Variants in PILRA observed in about 807,000 individuals in gnomAD.
PILRA encodes paired immunoglobulin-like type 2 receptor alpha.
Under a neutral mutation model 33.1 loss-of-function variants are expected in PILRA, and 37 were observed. The observed-to-expected ratio is 1.12, with a 90% confidence interval of 0.86 to 1.47. The LOEUF is 1.47. PILRA is among the 40% of genes most tolerant of loss of function. The pLI is 0.00. For synonymous variants in PILRA, 146 were observed against 149.9 expected (o/e 0.97, Z 0.19); for missense variants, 312 against 376.2 (o/e 0.83, Z 1.41).
At chr7:100,394,593 C>CAAAAAA (rs60131231) in intron 3 of PILRA, among the ~76,000 whole-genome samples, 2 of 47,316 alleles carry the variant, frequency 4.2e-5, no homozygotes, top group Admixed American at 5.5e-4. Context: ...GATTCTATCT[C>CAAAAAA]AAAAAAAAAA....
chr7:100,371,501 G>A (rs548422507), upstream of PILRA, among the ~76,000 whole-genome samples: 3 of 152,250 alleles, frequency 2.0e-5, no homozygotes, highest in Admixed American at 6.5e-5. Flanking sequence ...GGGCAGGGAC[G>A]GATGTGGCCA....
chr7:100,399,950 C>G lies in PILRA; in HGVS notation c.*43C>G. 6.5e-7 allele frequency: 1 copy of G among 1,538,122 alleles called. No individual in the cohort carries two copies. The highest frequency in any genetic ancestry group is 8.8e-7 in the Non-Finnish European group (1 of 1,140,080). The stretch of plus-strand genomic sequence containing the variant: ...CAAGACTGAATGGTGAGGCCAGGTA[C>G]AGTGGCGCACACCTGTAATCCCAGC... On this transcript the variant is annotated 3_prime_UTR_variant, in exon 7 of 7. Coordinates refer to ENST00000198536, the MANE Select transcript of PILRA (RefSeq NM_013439.3).
intron 3 of PILRA, among the ~76,000 whole-genome samples, chr7:100,395,334 G>A (rs1379817143): frequency 1.3e-5 from 2 of 152,178 alleles, no homozygotes; most frequent in Non-Finnish European, 2.9e-5. Context: ...GATTTCAGGA[G>A]TGGGTTCACT....
At chr7:100,383,875 G>C (rs1220710330) in intron 2 of PILRA, among the ~76,000 whole-genome samples, 1 of 152,166 alleles carries the variant, frequency 6.6e-6, no homozygotes, top group Non-Finnish European at 1.5e-5. Flanking sequence ...GACTTCAGGT[G>C]ATCCGCCTGC....
At chr7:100,396,244 A>G (rs1372240375) in intron 3 of PILRA, among the ~76,000 whole-genome samples, 1 of 152,266 alleles carries the variant, frequency 6.6e-6, no homozygotes, top group Non-Finnish European at 1.5e-5. Flanking sequence ...ACCCATGTTG[A>G]TAGCAACACT....
chr7:100,380,483 A>G (rs1791065161), intron 2 of PILRA, among the ~76,000 whole-genome samples: 1 of 152,214 alleles, frequency 6.6e-6, no homozygotes, highest in Non-Finnish European at 1.5e-5. Flanking sequence ...AATTTAAGAT[A>G]CAATAGCAAA....
rs374008712 is a variant in PILRA at position 100,399,915 on chromosome 7, A to G, written c.*8A>G. On this transcript the variant is annotated 3_prime_UTR_variant, in exon 7 of 7. Transcript: ENST00000198536. ...TCTGTCTTAAAGGCCTAACCAATGG[A>G]CAGCCCTCTCAAGACTGAATGGTGA... is the stretch of plus-strand genomic sequence containing the variant. The G allele has an allele frequency of 6.9e-6, 11 of 1,596,684 alleles. No homozygotes were observed. The African/African-American group carries it at 1.5e-4, about 22-fold the overall frequency.
intron 4 of PILRA, among the ~76,000 whole-genome samples, chr7:100,398,479 C>T (rs1053390011): frequency 2.6e-5 from 4 of 152,104 alleles, no homozygotes; most frequent in African/African-American, 9.7e-5. Flanking sequence ...TTCCTCTGGC[C>T]CCTCCTTTCC....
At chr7:100,382,626 G>A (rs1584217982) in intron 2 of PILRA, among the ~76,000 whole-genome samples, 1 of 152,210 alleles carries the variant, frequency 6.6e-6, no homozygotes, top group East Asian at 1.9e-4. Context: ...GATGTGGGTG[G>A]TGCCAGGTAA....
intron 3 of PILRA, among the ~76,000 whole-genome samples, chr7:100,396,227 T>C (rs962934856): frequency 2.0e-5 from 3 of 152,328 alleles, no homozygotes; most frequent in Non-Finnish European, 4.4e-5. Context: ...TGAAGAGATA[T>C]TGATACACCC....
intron 2 of PILRA, among the ~76,000 whole-genome samples, chr7:100,377,231 CTTT>C (rs761225046): frequency 5.0e-5 from 5 of 100,930 alleles, no homozygotes; most frequent in Non-Finnish European, 9.8e-5. Flanking sequence ...TTTTCTATTT[CTTT>C]TTTTTTTTTT....
Position 100,374,422 on chromosome 7 carries a change from C to T in PILRA, c.443C>T (p.Ser148Phe). The stretch of plus-strand genomic sequence containing the variant: ...CAGTCCATCGAGGGGACCAAACTCT[C>T]CATCACCCAGGGTGAGTCCAGCTGC... ...QWQSIEGTKL[S>F]ITQAVTTTTQ... The change falls in exon 2 of 7, where the codon TCC (serine) becomes TTC (phenylalanine). Residue 148 changes from serine (S) to phenylalanine (F), a missense_variant. By Grantham distance (155) the Ser-to-Phe change is radical (BLOSUM62 -2). Coordinates refer to ENST00000198536, the MANE Select transcript of PILRA (RefSeq NM_013439.3). The T allele has an allele frequency of 6.2e-7, 1 of 1,614,026 alleles. No homozygotes were observed. Among genetic ancestry groups the T allele is most frequent in the East Asian group, 2.2e-5 (1 of 44,876 alleles).
At chr7:100,377,682 G>T (rs999109626) in intron 2 of PILRA, among the ~76,000 whole-genome samples, 5 of 152,072 alleles carry the variant, frequency 3.3e-5, no homozygotes, top group Admixed American at 6.6e-5. Context: ...GTCAGAGGAG[G>T]TTTCAGTGAG....
chr7:100,399,884 C>A lies in PILRA; in HGVS notation c.889C>A (p.Leu297Met). 1 of 1,612,002 alleles carries A rather than the reference C, an allele frequency of 6.2e-7. No homozygotes were observed. Among genetic ancestry groups the A allele is most frequent in the East Asian group, 2.2e-5 (1 of 44,870 alleles). Reference protein sequence around the residue: ...RPLKSPQNETLYSVLKA With the variant: ...RPLKSPQNETMYSVLKA ...CCTCAAGAGCCCCCAGAACGAGACC[C>A]TGTACTCTGTCTTAAAGGCCTAACC... The change falls in exon 7 of 7, where the codon CTG becomes ATG. Residue 297 changes from leucine to methionine, a missense_variant. Coordinates refer to ENST00000198536, the MANE Select transcript of PILRA (RefSeq NM_013439.3).
At position 100,375,730 on chromosome 7, in the gene PILRA, T is replaced by TCAAACAAACAAA. The variant is rs56841488; in HGVS notation, c.454+1316_454+1327dup. ...CTGGGTGACAAAGTGAGACTCCGCC[T>TCAAACAAACAAA]CAAACAAACAAACAAACAAACAAAC... On this transcript the variant is annotated intron_variant, in intron 2 of 6. Coordinates refer to ENST00000198536, the MANE Select transcript of PILRA (RefSeq NM_013439.3). Among the ~76,000 whole-genome samples, 271 of 151,864 alleles carry TCAAACAAACAAA rather than the reference T, an allele frequency of 1.8e-3. 2 individuals carry two copies. Among genetic ancestry groups the TCAAACAAACAAA allele is most frequent in the Middle Eastern group, 6.8e-3 (2 of 294 alleles).
intron 3 of PILRA, among the ~76,000 whole-genome samples, chr7:100,394,252 C>T (rs543704019): frequency 1.3e-5 from 2 of 151,926 alleles, no homozygotes; most frequent in Non-Finnish European, 2.9e-5. Context: ...GATAAGAGTT[C>T]AATGAAGTCT....
rs1480789650 is a variant in PILRA at position 100,397,867 on chromosome 7, G to A, written c.674-12G>A. ...CGGATGCCACCCTGACTCACTGTTGGTCCCCCTACAGGTCAGCAGCGGACT... is the reference window on the plus strand; with the variant it reads ...CGGATGCCACCCTGACTCACTGTTGATCCCCCTACAGGTCAGCAGCGGACT... On this transcript the variant is annotated splice_polypyrimidine_tract_variant and intron_variant, in intron 3 of 6. Transcript: ENST00000198536. 3.1e-6 allele frequency: 5 copies of A among 1,613,334 alleles called. No individual in the cohort carries two copies. In the East Asian group the frequency reaches 8.9e-5, roughly 29 times the overall value.
chr7:100,376,171 C>A (rs989808532), intron 2 of PILRA: 1 of 152,220 alleles, frequency 6.6e-6, no homozygotes, highest in African/African-American at 2.4e-5. Flanking sequence ...TAAACCACTG[C>A]ACCATCTTAA....
intron 1 of PILRA, 111 bp from the exon 2 acceptor site, chr7:100,373,933 C>T: frequency 7.0e-7 from 1 of 1,423,122 alleles, no homozygotes; most frequent in Non-Finnish European, 9.6e-7. Flanking sequence ...AGTCCAGCCA[C>T]CTGTCACACG....
Sources: gnomAD v4.1 joint callset for allele counts (sites outside exome capture counted in the v4.1 genomes callset) on GRCh38, gnomAD v4.1.1 for gene constraint, MANE v1.5 for transcripts, NCBI Gene and HGNC (gene_info 2026-07-23, HGNC 2026-07-21) for gene names.